Variants in ADGRG7 observed in about 807,000 individuals in gnomAD.
The protein encoded by ADGRG7 is G-protein coupled receptor 128.
In ADGRG7, 82 loss-of-function variants were observed where a neutral mutation model predicts 88.6. The ratio of observed to expected loss-of-function variants is 0.93; its 90% CI spans 0.77 to 1.11. The LOEUF is 1.11. Ranked by LOEUF, ADGRG7 falls within the 50% of genes most tolerant of loss-of-function variation. ADGRG7 has a pLI of 0.00. For missense variants in ADGRG7, 945 were observed against 953.4 expected, an observed-to-expected ratio of 0.99 and a Z score of 0.12; for synonymous variants, 381 against 345.2, an observed-to-expected ratio of 1.10 and a Z score of -1.15.
Position 100,680,547 on chromosome 3 carries a change from A to G in ADGRG7, c.2136+11442A>G, listed in dbSNP as rs552354624. Among the ~76,000 whole-genome samples the G allele has an allele frequency of 4.0e-5, 6 of 151,614 alleles. No individual in the cohort carries two copies. In the East Asian group the frequency reaches 1.2e-3, roughly 29 times the overall value. ...TATTCCTGTTTCTCCTTTTTTGCCT[A>G]CTTTTGGATACATTTAATGTTATTA... On this transcript the variant is annotated intron_variant, in intron 15 of 15. Transcript: ENST00000273352.
chr3:100,685,063 A>C (rs993832030), intron 15 of ADGRG7, among the ~76,000 whole-genome samples: 1 of 152,074 alleles, frequency 6.6e-6, no homozygotes, highest in East Asian at 1.9e-4. Flanking sequence ...AATGTTTTTA[A>C]TGTTTTGCCA....
Position 100,659,843 on chromosome 3 carries a change from G to A in ADGRG7, c.1979G>A (p.Ser660Asn), listed in dbSNP as rs61742107. The A allele has an allele frequency of 1.0e-4, 169 of 1,612,934 alleles. No individual in the cohort carries two copies. The African/African-American group carries it at 1.7e-3, about 16-fold the overall frequency. ...VLWKNNQNLT[S>N]TKKVSSMKKI... ...TGGAAGAATAACCAGAACCTGACAA[G>A]GTAAGATTCCCAATGAATGGGAAGC... Residue 660 changes from serine to asparagine, a missense_variant and splice_region_variant, in exon 14 of 16, where the codon AGC becomes AAC. Ser to Asn is a conservative substitution (Grantham distance 46). Coordinates refer to ENST00000273352, the MANE Select transcript of ADGRG7 (RefSeq NM_032787.3).
At chr3:100,665,068 T>C in intron 14 of ADGRG7, 2 of 491,284 alleles carry the variant, frequency 4.1e-6, no homozygotes, top group South Asian at 3.0e-5. Flanking sequence ...AAAATCCAAG[T>C]TTCTCACATA....
rs951028791 is a variant in ADGRG7, at chr3:100,646,506, G to A, written c.1111-63G>A. ...CTCAGATGACTGTCTTATACTACTT[G>A]ATTTTTTTTAACCCAATTAAGTATT... On this transcript the variant is annotated intron_variant, in intron 9 of 15. Transcript: ENST00000273352. 7 of 1,357,924 alleles carry A rather than the reference G, an allele frequency of 5.2e-6. No homozygotes were observed. The Admixed American group carries it at 7.4e-5, about 14-fold the overall frequency. 84.1% of individuals were successfully genotyped at this position (1,357,924 alleles called of 1,614,324 possible).
intron 11 of ADGRG7, among the ~76,000 whole-genome samples, chr3:100,651,430 G>C (rs550560089): frequency 5.9e-5 from 9 of 152,276 alleles, no homozygotes; most frequent in African/African-American, 2.2e-4. Flanking sequence ...TGCATAACTA[G>C]TTTCTTTGCC....
intron 2 of ADGRG7, 136 bp downstream of exon 2, chr3:100,629,847 G>A: frequency 1.7e-6 from 1 of 599,166 alleles, no homozygotes; most frequent in Non-Finnish European, 3.0e-6. Context: ...TTTAGGATGT[G>A]TTTATCAGCT....
At position 100,654,878 on chromosome 3, in the gene ADGRG7, T is replaced by A. The variant is rs1462734814; in HGVS notation, c.1423T>A (p.Cys475Ser). 1 of 1,613,656 alleles carries A rather than the reference T, an allele frequency of 6.2e-7. No homozygotes were observed. Among genetic ancestry groups the A allele is most frequent in the East Asian group, 2.2e-5 (1 of 44,864 alleles). Residue 475 changes from cysteine to serine, a missense_variant, in exon 12 of 16, where the codon TGC becomes AGC. Physicochemically the swap from Cys to Ser is moderately radical, Grantham distance 112. Coordinates refer to ENST00000273352, the MANE Select transcript of ADGRG7 (RefSeq NM_032787.3). ...AGTAACCTGGGTTTTGGTCAATCTGTGCATATCAATGTTGATTTTCAACCT... is the reference window on the plus strand; with the variant it reads ...AGTAACCTGGGTTTTGGTCAATCTGAGCATATCAATGTTGATTTTCAACCT... ...TSVTWVLVNL[C>S]ISMLIFNLLF...
chr3:100,610,549 A>G (rs1707132198), intron 1 of ADGRG7, among the ~76,000 whole-genome samples: 1 of 152,238 alleles, frequency 6.6e-6, no homozygotes, highest in Non-Finnish European at 1.5e-5. Flanking sequence ...TATTCAACGA[A>G]CATTTGTTAG....
chr3:100,678,306 A>G (rs72915290), intron 15 of ADGRG7, among the ~76,000 whole-genome samples: 4,048 of 152,050 alleles, frequency 0.027, 167 homozygotes, highest in African/African-American at 0.092. Context: ...TGTTAAATTT[A>G]TTTGATAGGA....
Position 100,646,022 on chromosome 3 carries a change from G to T in ADGRG7, c.1024G>T (p.Asp342Tyr). 6.2e-7 allele frequency: 1 copy of T among 1,613,910 alleles called. No individual in the cohort carries two copies. Among genetic ancestry groups the T allele is most frequent in the South Asian group, 1.1e-5 (1 of 91,062 alleles). ...ATCAAAAACTTTTACAGCTAAATCG[G>T]ATTTTAGTCAAAAAATTATCTCAAG... Reference protein sequence around the residue: ...FQSKTFTAKSDFSQKIISSKT... With the variant: ...FQSKTFTAKSYFSQKIISSKT... The change falls in exon 9 of 16, where the codon GAT (aspartate) becomes TAT (tyrosine). Residue 342 changes from aspartate to tyrosine, a missense_variant. Coordinates refer to ENST00000273352, the MANE Select transcript of ADGRG7 (RefSeq NM_032787.3).
chr3:100,633,955 A>G (rs1454042480), intron 4 of ADGRG7, among the ~76,000 whole-genome samples: 1 of 152,214 alleles, frequency 6.6e-6, no homozygotes, highest in African/African-American at 2.4e-5. Context: ...TTGACTGGAT[A>G]TAGATCCCTG....
At chr3:100,672,463 C>T (rs559953441) in intron 15 of ADGRG7, among the ~76,000 whole-genome samples, 11 of 152,246 alleles carry the variant, frequency 7.2e-5, no homozygotes, top group South Asian at 4.1e-4. Context: ...TGGGCTGAGA[C>T]GATGGGGTTT....
Position 100,655,167 on chromosome 3 carries a change from C to G in ADGRG7, c.1712C>G (p.Ser571Ter). The G allele has an allele frequency of 6.2e-7, 1 of 1,604,968 alleles. No homozygotes were observed. Among genetic ancestry groups the G allele is most frequent in the Non-Finnish European group, 8.5e-7 (1 of 1,173,026 alleles). Residue 571 changes from serine to a stop codon, truncating the protein, a stop_gained, in exon 12 of 16, where the codon TCA becomes TGA. Coordinates refer to ENST00000273352, the MANE Select transcript of ADGRG7 (RefSeq NM_032787.3). LOFTEE classifies it high-confidence loss of function. ...CCTCGGCATTTCATTCTTTTCATCT[C>G]ATTAATTGGATGGGGTAAGTGTTTG... ...PLPRHFILFISLIGWGVPAIV... is the reference protein window; with the variant it reads ...PLPRHFILFI
At chr3:100,665,010 AG>A (rs2094950022) in intron 14 of ADGRG7, 7 of 436,498 alleles carry the variant, frequency 1.6e-5, no homozygotes, top group Non-Finnish European at 2.8e-5. Context: ...CCAGTATGGT[AG>A]GGCAATACAT....
chr3:100,619,193 T>A (rs1036914062), intron 1 of ADGRG7, among the ~76,000 whole-genome samples: 1 of 152,070 alleles, frequency 6.6e-6, no homozygotes, highest in Non-Finnish European at 1.5e-5. Flanking sequence ...AGAACAGAAA[T>A]CATAACAAAC....
At chr3:100,646,228 G>GGGGCCCCCC in intron 9 of ADGRG7, 120 bp downstream of exon 9, 1 of 199,624 alleles carries the variant, frequency 5.0e-6, no homozygotes. Context: ...GGGGGGGAGG[G>GGGGCCCCCC]TTTTCCATGA....
chr3:100,682,815 A>G (rs1409449225), intron 15 of ADGRG7, among the ~76,000 whole-genome samples: 2 of 152,134 alleles, frequency 1.3e-5, no homozygotes, highest in Non-Finnish European at 2.9e-5. Context: ...ACCTCTTCTC[A>G]GTTGGCCGGG....
Position 100,688,582 on chromosome 3 carries a change from G to A in ADGRG7, c.2137-6162G>A, listed in dbSNP as rs181594954. ...AGAGATTCTGGTGTGTTGTGTCTTTGTTCTTATTGGCTTCAAAGAACATCT... is the reference window on the plus strand; with the variant it reads ...AGAGATTCTGGTGTGTTGTGTCTTTATTCTTATTGGCTTCAAAGAACATCT... On this transcript the variant is annotated intron_variant, in intron 15 of 15. Transcript: ENST00000273352. Among the ~76,000 whole-genome samples, 923 of 152,246 alleles carry A rather than the reference G, an allele frequency of 6.1e-3. 3 individuals carry two copies. The highest frequency in any genetic ancestry group is 0.01 in the Non-Finnish European group (708 of 68,012).
intron 15 of ADGRG7, 66 bp from the exon 16 acceptor site, chr3:100,694,678 T>C: frequency 6.8e-7 from 1 of 1,466,464 alleles, no homozygotes. Context: ...CAGAGTGAAA[T>C]AAAATGTCTT....
Sources: allele counts gnomAD v4.1 joint callset (sites outside exome capture counted in the v4.1 genomes callset), GRCh38; gene constraint gnomAD v4.1.1; transcripts MANE v1.5; gene names NCBI Gene and HGNC (gene_info 2026-07-23, HGNC 2026-07-21).